The following ANXA2 variants were observed in gnomAD, a reference collection of about 807,000 sequenced individuals.
ANXA2 encodes annexin II.
Under a neutral mutation model 47.3 loss-of-function variants are expected in ANXA2, and 28 were observed. The ratio of observed to expected loss-of-function variants is 0.59; its 90% CI spans 0.44 to 0.81. The LOEUF is 0.81. ANXA2 is among the 40% of genes least tolerant of loss of function. ANXA2 has a pLI of 0.00. For synonymous variants in ANXA2, 172 were observed against 155.5 expected (o/e 1.11, Z -0.79); for missense variants, 384 against 414.3 (o/e 0.93, Z 0.64).
chr15:60,391,247 A>T (rs1016089200), intron 1 of ANXA2: 1 of 152,420 alleles, frequency 6.6e-6, no homozygotes, highest in South Asian at 2.1e-4. Flanking sequence ...CCTCACCACA[A>T]TGGTTCTTTA....
chr15:60,352,494 C>A lies in ANXA2; in HGVS notation c.589-18G>T. On this transcript the variant is annotated intron_variant, in intron 8 of 12. Transcript: ENST00000451270. The surrounding 1 kb of genome is among the most constrained non-coding windows in gnomAD (Gnocchi z 4.2). ...TAGAGATCCTACGAGTACAACCAACCAGGAAAAGTTAACTACACATCCAAT... is the reference window on the plus strand; with the variant it reads ...TAGAGATCCTACGAGTACAACCAACAAGGAAAAGTTAACTACACATCCAAT... 4 of 1,586,476 alleles carry A rather than the reference C, an allele frequency of 2.5e-6. No individual in the cohort carries two copies. The highest frequency in any genetic ancestry group is 2.6e-6 in the Non-Finnish European group (3 of 1,157,524).
At chr15:60,363,308 A>G (rs1040654556) in intron 4 of ANXA2, among the ~76,000 whole-genome samples, 1 of 152,210 alleles carries the variant, frequency 6.6e-6, no homozygotes, top group Non-Finnish European at 1.5e-5. Flanking sequence ...GAGATGAAAG[A>G]AGCCAGATGC....
chr15:60,374,577 G>GA, intron 3 of ANXA2: 1 of 455,784 alleles, frequency 2.2e-6, no homozygotes, highest in Non-Finnish European at 4.4e-6. Context: ...TTTAAAAAAA[G>GA]AAAGAGCTGA....
chr15:60,363,842 A>G (rs1245331272), intron 4 of ANXA2, among the ~76,000 whole-genome samples: 2 of 152,234 alleles, frequency 1.3e-5, no homozygotes, highest in Non-Finnish European at 2.9e-5. Flanking sequence ...GGAGGCTAGT[A>G]TCCTAAAATT....
chr15:60,355,678 A>G (rs2062417563), intron 7 of ANXA2: 1 of 569,514 alleles, frequency 1.8e-6, no homozygotes, highest in Non-Finnish European at 3.2e-6. Context: ...CCAGGACTTG[A>G]GAGCCGCCCA....
chr15:60,364,617 T>G (rs192995426), intron 3 of ANXA2, 94 bp from the exon 4 acceptor site: 607 of 879,106 alleles, frequency 6.9e-4, no homozygotes, highest in Non-Finnish European at 8.3e-4. Flanking sequence ...AAACTGAAAT[T>G]TATATACTGT....
chr15:60,393,681 C>T (rs1057393215), intron 1 of ANXA2: 1 of 985,436 alleles, frequency 1.0e-6, no homozygotes, highest in Non-Finnish European at 1.2e-6. Flanking sequence ...ATCATAAATG[C>T]CGCCTTTCTC....
At chr15:60,390,316 C>T (rs2062991114) in intron 1 of ANXA2, 1 of 1,052,154 alleles carries the variant, frequency 9.5e-7, no homozygotes, top group Non-Finnish European at 1.2e-6. Flanking sequence ...AACATTTTCA[C>T]CCTAGAAATA....
At chr15:60,397,825 G>A in intron 1 of ANXA2, 118 bp downstream of exon 1, 3 of 1,313,128 alleles carry the variant, frequency 2.3e-6, no homozygotes, top group South Asian at 1.8e-5. Context: ...CCCTGCCCCC[G>A]ACGGCCTCCG....
intron 1 of ANXA2, 68 bp downstream of exon 1, chr15:60,397,875 C>T: frequency 2.2e-5 from 30 of 1,382,356 alleles, no homozygotes; most frequent in Non-Finnish European, 2.8e-5. Context: ...CCGTACCCTT[C>T]TTCCCAGCGT....
At chr15:60,356,906 C>T (rs1199535336) in intron 6 of ANXA2, among the ~76,000 whole-genome samples, 1 of 152,184 alleles carries the variant, frequency 6.6e-6, no homozygotes, top group Non-Finnish European at 1.5e-5. Context: ...TCCTTTCCCT[C>T]CTGTCTACCC....
intron 2 of ANXA2, chr15:60,383,678 C>T (rs971368013): frequency 2.6e-5 from 4 of 152,294 alleles, no homozygotes; most frequent in African/African-American, 9.7e-5. Flanking sequence ...AGCATCACTG[C>T]CCATCCTCAT....
intron 3 of ANXA2, among the ~76,000 whole-genome samples, chr15:60,382,008 G>A (rs1339846269): frequency 6.7e-6 from 1 of 148,384 alleles, no homozygotes; most frequent in Non-Finnish European, 1.5e-5. Context: ...ACGGGGGGTG[G>A]GGGAGGAAAG....
intron 3 of ANXA2, among the ~76,000 whole-genome samples, chr15:60,375,865 T>C (rs2062769396): frequency 6.6e-6 from 1 of 152,182 alleles, no homozygotes; most frequent in Non-Finnish European, 1.5e-5. Context: ...AAGAAATAGC[T>C]GGTTCTGCCT....
Position 60,352,623 on chromosome 15 carries a change from C to G in ANXA2, c.589-147G>C, listed in dbSNP as rs186759774. On this transcript the variant is annotated intron_variant, in intron 8 of 12. Coordinates refer to ENST00000451270, the MANE Select transcript of ANXA2 (RefSeq NM_004039.3). This position sits in a 1 kb window ranked among gnomAD's most constrained non-coding sequence, Gnocchi z 4.2. ...TACTGCAGACATGGGCAGAGACCTA[C>G]TATTTAGGTCAAAAGTCTTAATCAC... is the stretch of plus-strand genomic sequence containing the variant. The G allele has an allele frequency of 1.5e-6, 1 of 646,054 alleles. No homozygotes were observed. Among genetic ancestry groups the G allele is most frequent in the Non-Finnish European group, 2.8e-6 (1 of 362,682 alleles). The allele number at this position is 646,054 out of a possible 1,614,324, so 40.0% of individuals were successfully genotyped here. A position where few individuals can be genotyped will look rare whatever the true frequency, so the allele number is the denominator to read the frequency against.
At chr15:60,360,170 C>A (rs2062492602) in intron 5 of ANXA2, among the ~76,000 whole-genome samples, 1 of 152,206 alleles carries the variant, frequency 6.6e-6, no homozygotes, top group Admixed American at 6.5e-5. Context: ...GCAGGAGAAT[C>A]TCTTGAACCC....
intron 4 of ANXA2, among the ~76,000 whole-genome samples, 195 bp downstream of exon 4, chr15:60,364,234 G>T (rs1331709554): frequency 6.6e-6 from 1 of 152,352 alleles, no homozygotes; most frequent in Admixed American, 6.5e-5. Flanking sequence ...ATGACCTGAG[G>T]TGCACGCGCG....
At chr15:60,363,290 A>G (rs1332990632) in intron 4 of ANXA2, among the ~76,000 whole-genome samples, 1 of 152,208 alleles carries the variant, frequency 6.6e-6, no homozygotes, top group East Asian at 1.9e-4. Flanking sequence ...AAGAATTTTA[A>G]TGCACTTGAG....
intron 3 of ANXA2, 99 bp downstream of exon 3, chr15:60,382,243 T>G (rs2062871400): frequency 1.1e-6 from 1 of 875,506 alleles, no homozygotes; most frequent in Non-Finnish European, 1.9e-6. Context: ...CGATGACAAT[T>G]TCAAATCGCC....
Sources: allele counts gnomAD v4.1 joint callset (sites outside exome capture counted in the v4.1 genomes callset), GRCh38; gene constraint gnomAD v4.1.1; non-coding constraint Gnocchi (gnomAD v3.1); transcripts MANE v1.5; gene names NCBI Gene and HGNC (gene_info 2026-07-23, HGNC 2026-07-21).